ZNF358: variants seen among roughly 807,000 people sequenced by gnomAD.
ZNF358 encodes the protein zinc finger protein 358.
Under a neutral mutation model 2.1 loss-of-function variants are expected in ZNF358, and 1 was observed. The ratio of observed to expected loss-of-function variants is 0.49; its 90% CI spans 0.17 to 2.30. The LOEUF is 2.30. Among genes scored for constraint, ZNF358 ranks in the 30% most tolerant of loss-of-function variants. The pLI is 0.26. For missense variants in ZNF358, 665 were observed against 806.8 expected (o/e 0.82, Z 2.13); for synonymous variants, 381 against 359.7 (o/e 1.06, Z -0.67).
Position 7,520,463 on chromosome 19 carries a change from G to T in ZNF358, c.1221G>T (p.Ala407=), listed in dbSNP as rs576765670. 5 of 1,434,288 alleles carry T rather than the reference G, an allele frequency of 3.5e-6. No homozygotes were observed. The Admixed American group carries it at 1.5e-4, about 42-fold the overall frequency. The allele number at this position is 1,434,288 out of a possible 1,614,324, so 88.8% of individuals were successfully genotyped here. The change falls in exon 2 of 2, where the codon GCG becomes GCT. Residue 407 remains alanine, a synonymous_variant. Coordinates refer to ENST00000597229, the MANE Select transcript of ZNF358 (RefSeq NM_018083.5). This position sits in a 1 kb window ranked among gnomAD's most constrained non-coding sequence, Gnocchi z 6.0. ...HEGAAAAAAA[A]AAAAAAAAAG... Reference sequence around the variant, plus strand: ...GTGCAGCCGCTGCTGCAGCTGCCGCGGCCGCTGCAGCTGCAGCAGCGGCCG... The same window carrying T: ...GTGCAGCCGCTGCTGCAGCTGCCGCTGCCGCTGCAGCTGCAGCAGCGGCCG...
Position 7,519,505 on chromosome 19 carries a change from T to C in ZNF358, c.263T>C (p.Met88Thr), listed in dbSNP as rs371022931. The change falls in exon 2 of 2, where the codon ATG becomes ACG. Residue 88 changes from methionine (M) to threonine (T), a missense_variant. This residue lies in a region of ZNF358 where 206 missense variants were observed against 228.4 expected (regional missense o/e 0.90). Transcript: ENST00000597229. Reference sequence around the variant, plus strand: ...TCGGAACCCCAAGATCCCGACCCCATGTCTTCGAGTTTCGACCTCGATCCA... The same window carrying C: ...TCGGAACCCCAAGATCCCGACCCCACGTCTTCGAGTTTCGACCTCGATCCA... ...PGSEPQDPDPMSSSFDLDPDV... is the reference protein window; with the variant it reads ...PGSEPQDPDPTSSSFDLDPDV... 9 of 1,612,460 alleles carry C rather than the reference T, an allele frequency of 5.6e-6. No individual in the cohort carries two copies. The highest frequency in any genetic ancestry group is 1.3e-5 in the African/African-American group (1 of 74,734).
intron 1 of ZNF358, 52 bp from the exon 2 acceptor site, chr19:7,519,153 C>T (rs2022410151): frequency 3.3e-6 from 5 of 1,516,724 alleles, no homozygotes; most frequent in Non-Finnish European, 4.4e-6. Context: ...AAAAGACACC[C>T]CCGCTCCCAC....
Position 7,520,094 on chromosome 19 carries a change from G to T in ZNF358, c.852G>T (p.Thr284=), listed in dbSNP as rs752802587. ...CTGCGCTGCTCAAACACCTGCGCAC[G>T]CACACGGGCGAGCGGCCCTACCCGT... is the stretch of plus-strand genomic sequence containing the variant. ...QGSALLKHLR[T]HTGERPYPCP... Residue 284 remains threonine (T), a synonymous_variant, in exon 2 of 2, where the codon ACG becomes ACT. Coordinates refer to ENST00000597229, the MANE Select transcript of ZNF358 (RefSeq NM_018083.5). The surrounding 1 kb of genome is among the most constrained non-coding windows in gnomAD (Gnocchi z 6.0). The T allele has an allele frequency of 6.3e-7, 1 of 1,591,588 alleles. No homozygotes were observed.
chr19:7,519,704 G>T lies in ZNF358; in HGVS notation c.462G>T (p.Pro154=), dbSNP rs1464466373. The T allele has an allele frequency of 6.4e-7, 1 of 1,565,268 alleles. No individual in the cohort carries two copies. Among genetic ancestry groups the T allele is most frequent in the Non-Finnish European group, 8.6e-7 (1 of 1,162,758 alleles). ...PASPPRPFSC[P]DCGRAFRRSS... ...GCCCGCCCCGGCCCTTCTCCTGCCC[G>T]GATTGCGGGCGAGCCTTCCGCCGCA... The change falls in exon 2 of 2, where the codon CCG becomes CCT. Residue 154 remains proline (P), a synonymous_variant. Transcript: ENST00000597229.
intron 1 of ZNF358, among the ~76,000 whole-genome samples, chr19:7,518,594 A>AGAAAGAAAGAAG: frequency 6.7e-6 from 1 of 150,284 alleles, no homozygotes; most frequent in Non-Finnish European, 1.5e-5. Flanking sequence ...AAAGAAAGAA[A>AGAAAGAAAGAAG]GAAAGAATTG....
chr19:7,518,347 A>G (rs1410591153), intron 1 of ZNF358, among the ~76,000 whole-genome samples: 1 of 152,030 alleles, frequency 6.6e-6, no homozygotes, highest in Non-Finnish European at 1.5e-5. Context: ...ACAGTGGCTC[A>G]TGCCTGTAAT....
Position 7,520,664 on chromosome 19 carries a change from C to G in ZNF358, c.1422C>G (p.Pro474=), listed in dbSNP as rs560758271. 4.4e-6 allele frequency: 7 copies of G among 1,606,680 alleles called. No individual in the cohort carries two copies. The Admixed American group carries it at 1.2e-4, about 27-fold the overall frequency. The part of the protein sequence containing the change: ...PGSGPGTLPD[P]SSKPLPGSRS... ...CTGGGCCGGGCACTCTGCCGGATCC[C>G]AGCTCCAAACCCCTCCCCGGCTCCA... Residue 474 remains proline, a synonymous_variant, in exon 2 of 2, where the codon CCC becomes CCG. Coordinates refer to ENST00000597229, the MANE Select transcript of ZNF358 (RefSeq NM_018083.5). The surrounding 1 kb of genome is among the most constrained non-coding windows in gnomAD (Gnocchi z 6.0).
rs2022418185 is a variant in ZNF358 at position 7,519,415 on chromosome 19, A to ACATAGCC, written c.174_175insATAGCCC (p.Pro59IlefsTer6). 6.2e-7 allele frequency: 1 copy of ACATAGCC among 1,613,408 alleles called. No homozygotes were observed. The highest frequency in any genetic ancestry group is 8.5e-7 in the Non-Finnish European group (1 of 1,179,892). On this transcript the variant is annotated frameshift_variant, in exon 2 of 2. Transcript: ENST00000597229. LOFTEE classifies it low-confidence loss of function (END_TRUNC). ...CTCAACACTGTCCCGGAAGACGTGG[A>ACATAGCC]CCCCAGCTATGAAGATCTGGAGCCC...
intron 1 of ZNF358, among the ~76,000 whole-genome samples, chr19:7,518,665 G>C (rs1233932591): frequency 6.6e-6 from 1 of 152,160 alleles, no homozygotes; most frequent in Non-Finnish European, 1.5e-5. Context: ...CGAGGTGGGA[G>C]GATCGCTTGA....
In ZNF358 at chr19:7,520,675, C is replaced by T. The variant is rs2022465611; in HGVS notation, c.1433C>T (p.Pro478Leu). The change falls in exon 2 of 2, where the codon CCC becomes CTC. Residue 478 changes from proline to leucine, a missense_variant. Around this residue, in one of 3 missense-constraint regions of ZNF358, gnomAD observed 249 missense variants for 227.6 expected, o/e 1.09. Coordinates refer to ENST00000597229, the MANE Select transcript of ZNF358 (RefSeq NM_018083.5). The surrounding 1 kb of genome is among the most constrained non-coding windows in gnomAD (Gnocchi z 6.0). ...PGTLPDPSSK[P>L]LPGSRSTPSP... ...ACTCTGCCGGATCCCAGCTCCAAAC[C>T]CCTCCCCGGCTCCAGATCCACCCCC... 6.2e-7 allele frequency: 1 copy of T among 1,611,708 alleles called. No individual in the cohort carries two copies. Among genetic ancestry groups the T allele is most frequent in the Non-Finnish European group, 8.5e-7 (1 of 1,178,710 alleles).
rs1348056181 is a variant in ZNF358, at chr19:7,516,463, G to T, written c.-39+214G>T. On this transcript the variant is annotated intron_variant, in intron 1 of 1. Transcript: ENST00000597229. This position sits in a 1 kb window ranked among gnomAD's most constrained non-coding sequence, Gnocchi z 5.9. ...TCCGGCCTAGCGCACCCATCCCGCC[G>T]CTGGGGCCCGGGGGGAAAGGGCCAG... Among the ~76,000 whole-genome samples the T allele has an allele frequency of 6.6e-6, 1 of 150,788 alleles. No individual in the cohort carries two copies. Among genetic ancestry groups the T allele is most frequent in the Non-Finnish European group, 1.5e-5 (1 of 67,482 alleles).
At position 7,520,359 on chromosome 19, in the gene ZNF358, C is replaced by G; in HGVS notation, c.1117C>G (p.Arg373Gly). 6.2e-7 allele frequency: 1 copy of G among 1,612,400 alleles called. No individual in the cohort carries two copies. The highest frequency in any genetic ancestry group is 8.5e-7 in the Non-Finnish European group (1 of 1,179,678). The change falls in exon 2 of 2, where the codon CGT (arginine) becomes GGT (glycine). Residue 373 changes from arginine to glycine, a missense_variant. Coordinates refer to ENST00000597229, the MANE Select transcript of ZNF358 (RefSeq NM_018083.5). This position sits in a 1 kb window ranked among gnomAD's most constrained non-coding sequence, Gnocchi z 6.0. ...GCACCTGCACGTGCATTCGGGCGAGCGTCCCTATCGCTGTCAGCTCTGCGG... is the reference window on the plus strand; with the variant it reads ...GCACCTGCACGTGCATTCGGGCGAGGGTCCCTATCGCTGTCAGCTCTGCGG... ...LQHLHVHSGE[R>G]PYRCQLCGKA...
At chr19:7,519,111 C>T (rs1463575675) in intron 1 of ZNF358, 94 bp from the exon 2 acceptor site, 7 of 1,280,982 alleles carry the variant, frequency 5.5e-6, no homozygotes, top group South Asian at 1.7e-5. Flanking sequence ...GGGGCACAAT[C>T]GGGTCCCGTC....
At position 7,519,191 on chromosome 19, in the gene ZNF358, C is replaced by T; in HGVS notation, c.-38-14C>T. On this transcript the variant is annotated splice_polypyrimidine_tract_variant and intron_variant, in intron 1 of 1. Coordinates refer to ENST00000597229, the MANE Select transcript of ZNF358 (RefSeq NM_018083.5). ...AACCCACCTACCCTCTACCCTCTATCCTTGCCCTTGCAGGTCTTGCCCCAG... is the reference window on the plus strand; with the variant it reads ...AACCCACCTACCCTCTACCCTCTATTCTTGCCCTTGCAGGTCTTGCCCCAG... The T allele has an allele frequency of 6.3e-7, 1 of 1,583,212 alleles. No individual in the cohort carries two copies. The highest frequency in any genetic ancestry group is 8.6e-7 in the Non-Finnish European group (1 of 1,166,230).
At chr19:7,515,777 G>T (rs921870133), upstream of ZNF358, among the ~76,000 whole-genome samples, 1 of 152,146 alleles carries the variant, frequency 6.6e-6, no homozygotes, top group Non-Finnish European at 1.5e-5. Context: ...GAAAGGAACA[G>T]AGATGGGAAG....
chr19:7,517,011 A>G (rs2022352657), intron 1 of ZNF358, among the ~76,000 whole-genome samples: 1 of 151,594 alleles, frequency 6.6e-6, no homozygotes, highest in Admixed American at 6.6e-5. Flanking sequence ...TTGCCTGCAC[A>G]CTCCCAGCTA....
Position 7,520,913 on chromosome 19 carries a change from A to G in ZNF358, c.1671A>G (p.Val557=). Residue 557 remains valine (V), a synonymous_variant, in exon 2 of 2, where the codon GTA becomes GTG. Transcript: ENST00000597229. This position sits in a 1 kb window ranked among gnomAD's most constrained non-coding sequence, Gnocchi z 6.0. ...ALPTGESPEW[V]QEQGALLGPD... ...CTACCGGCGAGAGTCCAGAGTGGGT[A>G]CAGGAGCAAGGGGCACTGCTGGGGC... is the stretch of plus-strand genomic sequence containing the variant. 6.2e-7 allele frequency: 1 copy of G among 1,614,034 alleles called. No homozygotes were observed. Among genetic ancestry groups the G allele is most frequent in the Non-Finnish European group, 8.5e-7 (1 of 1,180,008 alleles).
chr19:7,519,116 C>A lies in ZNF358; in HGVS notation c.-38-89C>A, dbSNP rs532051158. The stretch of plus-strand genomic sequence containing the variant: ...GTGGGTTCTGGGGGCACAATCGGGT[C>A]CCGTCTCTCATCCCTAACCAGACTC... On this transcript the variant is annotated intron_variant, in intron 1 of 1. Coordinates refer to ENST00000597229, the MANE Select transcript of ZNF358 (RefSeq NM_018083.5). The A allele has an allele frequency of 2.0e-5, 28 of 1,426,904 alleles. No individual in the cohort carries two copies. In the South Asian group the frequency reaches 4.0e-4, roughly 20 times the overall value. The allele number at this position is 1,426,904 out of a possible 1,614,324, so 88.4% of individuals were successfully genotyped here. A position where few individuals can be genotyped will look rare whatever the true frequency, so the allele number is the denominator to read the frequency against.
chr19:7,520,530 A>G lies in ZNF358; in HGVS notation c.1288A>G (p.Met430Val). Residue 430 changes from methionine (M) to valine (V), a missense_variant, in exon 2 of 2, where the codon ATG (methionine) becomes GTG (valine). By Grantham distance (21) the Met-to-Val change is conservative. Coordinates refer to ENST00000597229, the MANE Select transcript of ZNF358 (RefSeq NM_018083.5). This position sits in a 1 kb window ranked among gnomAD's most constrained non-coding sequence, Gnocchi z 6.0. ...GCCTGGCCTAAGCCCTGCATCCATG[A>G]TGAGGCCGGGGCAGGTCTCCCTCCT... ...LGPGLSPASM[M>V]RPGQVSLLGP... 1 of 1,261,984 alleles carries G rather than the reference A, an allele frequency of 7.9e-7. No homozygotes were observed. Among genetic ancestry groups the G allele is most frequent in the Non-Finnish European group, 1.1e-6 (1 of 884,598 alleles). 78.2% of individuals were successfully genotyped at this position (1,261,984 alleles called of 1,614,324 possible). A position where few individuals can be genotyped will look rare whatever the true frequency, so the allele number is the denominator to read the frequency against.
Sources: allele counts gnomAD v4.1 joint callset (sites outside exome capture counted in the v4.1 genomes callset), GRCh38; gene constraint gnomAD v4.1.1; regional missense constraint gnomAD v4.1.1; non-coding constraint Gnocchi (gnomAD v3.1); transcripts MANE v1.5; gene names NCBI Gene and HGNC (gene_info 2026-07-23, HGNC 2026-07-21).